The following ZNF236 variants were observed in gnomAD, a reference collection of about 807,000 sequenced individuals.
The protein encoded by ZNF236 is regulated by glucose.
Under a neutral mutation model 191.2 loss-of-function variants are expected in ZNF236, and 50 were observed. That is an observed-to-expected ratio of 0.26 (90% CI 0.21 to 0.33). ZNF236 has a LOEUF of 0.33. ZNF236 is among the 10% of genes least tolerant of loss of function. ZNF236 has a pLI of 1.00. For missense variants in ZNF236, 1,754 were observed against 2,374.5 expected (o/e 0.74, Z 5.43); for synonymous variants, 907 against 928.8 (o/e 0.98, Z 0.43).
In ZNF236 at chr18:76,860,253, G is replaced by C. The variant is rs144620131; in HGVS notation, c.363+8314G>C. On this transcript the variant is annotated intron_variant, in intron 3 of 30. Transcript: ENST00000320610. ...GATGTCTGTGCATGCCACATGTTCT[G>C]GGTGGCCCAACCCGAGGACGACATG... Among the ~76,000 whole-genome samples, 892 of 152,214 alleles carry C rather than the reference G, an allele frequency of 5.9e-3. 16 individuals carry two copies. The highest frequency in any genetic ancestry group is 0.039 in the South Asian group (186 of 4,806).
At chr18:76,888,189 G>C (rs1977116350) in intron 9 of ZNF236, among the ~76,000 whole-genome samples, 1 of 152,276 alleles carries the variant, frequency 6.6e-6, no homozygotes, top group Non-Finnish European at 1.5e-5. Flanking sequence ...GGCTAAAATG[G>C]TGTAACCCCA....
chr18:76,889,846 G>A (rs932794543), intron 9 of ZNF236, among the ~76,000 whole-genome samples: 1 of 152,212 alleles, frequency 6.6e-6, no homozygotes, highest in African/African-American at 2.4e-5. Context: ...TTTTAAACAA[G>A]CACAGGCATC....
chr18:76,898,627 GT>G (rs149126081), intron 10 of ZNF236, among the ~76,000 whole-genome samples: 2,413 of 152,320 alleles, frequency 0.016, 29 homozygotes, highest in Middle Eastern at 0.02. Context: ...GCTAAGTGCT[GT>G]TTAAATGTTA....
At chr18:76,836,256 A>C (rs563527477) in intron 1 of ZNF236, among the ~76,000 whole-genome samples, 2 of 148,600 alleles carry the variant, frequency 1.3e-5, no homozygotes, top group African/African-American at 5.0e-5. Flanking sequence ...TCACTCTTTC[A>C]GTTGCCCAGG....
rs186548975 is a variant in ZNF236 at position 76,905,332 on chromosome 18, C to G, written c.2214C>G (p.Asn738Lys). ...GSLRRHMGIHNDLRPYMCPYC... is the reference protein window; with the variant it reads ...GSLRRHMGIHKDLRPYMCPYC... ...TACGGCGACACATGGGTATCCACAA[C>G]GACCTTCGTCCCTATATGTGTCCCT... The change falls in exon 13 of 31, where the codon AAC becomes AAG. Residue 738 changes from asparagine to lysine, a missense_variant. Physicochemically the swap from Asn to Lys is moderately conservative, Grantham distance 94. Transcript: ENST00000320610. 1.2e-6 allele frequency: 2 copies of G among 1,614,042 alleles called. No homozygotes were observed. Among genetic ancestry groups the G allele is most frequent in the African/African-American group, 2.7e-5 (2 of 74,912 alleles).
Position 76,960,341 on chromosome 18 carries a change from C to T in ZNF236, c.5243-338C>T, listed in dbSNP as rs139125815. 4.0e-4 allele frequency among the ~76,000 whole-genome samples: 61 copies of T among 152,310 alleles called. 2 individuals carry two copies. In the East Asian group the frequency reaches 7.0e-3, roughly 17 times the overall value. ...ACATGATAGCTCGTGTCAGCCCTTC[C>T]GTCTCCGCCCTGCCCTAACAGGACA... On this transcript the variant is annotated intron_variant, in intron 29 of 30. Transcript: ENST00000320610. This position sits in a 1 kb window ranked among gnomAD's most constrained non-coding sequence, Gnocchi z 4.4.
intron 5 of ZNF236, among the ~76,000 whole-genome samples, chr18:76,872,585 T>G (rs1976609834): frequency 6.6e-6 from 1 of 152,238 alleles, no homozygotes; most frequent in South Asian, 2.1e-4. Flanking sequence ...TAAAACTATT[T>G]CTCCATGCCT....
rs1968898892 is a variant in ZNF236, at chr18:76,970,891, A to C, written c.*2552A>C. On this transcript the variant is annotated 3_prime_UTR_variant, in exon 31 of 31. Transcript: ENST00000320610. The stretch of plus-strand genomic sequence containing the variant: ...CTGCAGTGTCCACTGGAAAGGCTTC[A>C]GACTTTCAAAATCAGGGCATGGCTC... 1.3e-5 allele frequency among the ~76,000 whole-genome samples: 2 copies of C among 152,296 alleles called. No homozygotes were observed. The highest frequency in any genetic ancestry group is 4.8e-5 in the African/African-American group (2 of 41,484).
At chr18:76,838,949 C>T (rs1020183700) in intron 1 of ZNF236, among the ~76,000 whole-genome samples, 1 of 152,168 alleles carries the variant, frequency 6.6e-6, no homozygotes, top group Non-Finnish European at 1.5e-5. Context: ...TTAGTTTTGC[C>T]TATTTGTTTA....
At chr18:76,893,341 T>C (rs1166051083) in intron 9 of ZNF236, among the ~76,000 whole-genome samples, 1 of 152,236 alleles carries the variant, frequency 6.6e-6, no homozygotes, top group Non-Finnish European at 1.5e-5. Flanking sequence ...GATGTCTTTA[T>C]GCACTATCAC....
At chr18:76,835,121 A>G (rs1399523630) in intron 1 of ZNF236, among the ~76,000 whole-genome samples, 1 of 151,652 alleles carries the variant, frequency 6.6e-6, no homozygotes, top group Non-Finnish European at 1.5e-5. Context: ...CAAAATTTTG[A>G]TGTGGTTTAT....
At chr18:76,866,594 G>T (rs1344258744) in intron 3 of ZNF236, among the ~76,000 whole-genome samples, 1 of 152,214 alleles carries the variant, frequency 6.6e-6, no homozygotes, top group Non-Finnish European at 1.5e-5. Flanking sequence ...TCTTCAGCAA[G>T]GTGGAGACAG....
intron 6 of ZNF236, among the ~76,000 whole-genome samples, chr18:76,876,694 AT>A (rs1308400910): frequency 1.3e-5 from 2 of 152,192 alleles, no homozygotes; most frequent in African/African-American, 4.8e-5. Flanking sequence ...TTACCTTTAG[AT>A]TTCGGAAGAA....
At chr18:76,907,586 C>T (rs1308349684) in intron 13 of ZNF236, among the ~76,000 whole-genome samples, 1 of 152,222 alleles carries the variant, frequency 6.6e-6, no homozygotes, top group African/African-American at 2.4e-5. Flanking sequence ...GCCTTGGCCT[C>T]CCAAAGTGCT....
chr18:76,934,395 T>C (rs1047136589), intron 25 of ZNF236, among the ~76,000 whole-genome samples: 7 of 152,232 alleles, frequency 4.6e-5, no homozygotes, highest in African/African-American at 1.7e-4. Flanking sequence ...AAGCAGATCG[T>C]AGTCTTGATA....
At chr18:76,953,921 G>C (rs1358188324) in intron 27 of ZNF236, among the ~76,000 whole-genome samples, 1 of 152,130 alleles carries the variant, frequency 6.6e-6, no homozygotes, top group Non-Finnish European at 1.5e-5. Context: ...ATGCTTGGGA[G>C]GGGGTGGACA....
intron 3 of ZNF236, among the ~76,000 whole-genome samples, chr18:76,863,625 G>T (rs571593917): frequency 4.6e-5 from 7 of 150,724 alleles, no homozygotes; most frequent in Non-Finnish European, 7.4e-5. Flanking sequence ...ACGGAGTCTT[G>T]CTGTGTTGCC....
At chr18:76,861,312 C>T (rs1198452825) in intron 3 of ZNF236, among the ~76,000 whole-genome samples, 1 of 152,184 alleles carries the variant, frequency 6.6e-6, no homozygotes, top group South Asian at 2.1e-4. Context: ...TTCTTTGCTT[C>T]TGAACCATGG....
At chr18:76,950,689 A>G (rs1968384363) in intron 27 of ZNF236, among the ~76,000 whole-genome samples, 1 of 152,172 alleles carries the variant, frequency 6.6e-6, no homozygotes, top group Non-Finnish European at 1.5e-5. Context: ...AACTCCTGTT[A>G]ATGTTGATAT....
Sources: gnomAD v4.1 joint callset for allele counts (sites outside exome capture counted in the v4.1 genomes callset) on GRCh38, gnomAD v4.1.1 for gene constraint, Gnocchi (gnomAD v3.1) non-coding constraint, MANE v1.5 for transcripts, NCBI Gene and HGNC (gene_info 2026-07-23, HGNC 2026-07-21) for gene names.